TEX22: variants seen among roughly 807,000 people sequenced by gnomAD.
The protein encoded by TEX22 is testis-expressed protein 22.
A neutral mutation model predicts 11.3 loss-of-function variants in TEX22; 16 were observed. The observed-to-expected ratio is 1.42, with a 90% CI of 0.96 to 2.15. TEX22 has a LOEUF of 2.15. Ranked by LOEUF, TEX22 falls within the 30% of genes most tolerant of loss-of-function variation. TEX22 has a pLI of 0.00. For synonymous variants in TEX22, 97 were observed against 92.3 expected (o/e 1.05, Z -0.29); for missense variants, 220 against 208.6 (o/e 1.05, Z -0.34).
intron 2 of TEX22, among the ~76,000 whole-genome samples, chr14:105,410,205 G>A (rs1401542841): frequency 6.6e-6 from 1 of 152,128 alleles, no homozygotes; most frequent in East Asian, 1.9e-4. Flanking sequence ...AGCCTCTTGA[G>A]TAGCTGGGAT....
intron 2 of TEX22, among the ~76,000 whole-genome samples, chr14:105,408,405 C>T (rs1448052738): frequency 6.6e-6 from 1 of 151,964 alleles, no homozygotes; most frequent in Non-Finnish European, 1.5e-5. Flanking sequence ...CCACACCCAG[C>T]TAATTTTTGT....
chr14:105,401,839 C>T (rs945183205), intron 2 of TEX22, among the ~76,000 whole-genome samples: 1 of 152,136 alleles, frequency 6.6e-6, no homozygotes, highest in Non-Finnish European at 1.5e-5. Flanking sequence ...TTGCAGTGGC[C>T]ACCAATGGAA....
At chr14:105,402,579 C>G (rs186155919) in intron 2 of TEX22, among the ~76,000 whole-genome samples, 1 of 151,328 alleles carries the variant, frequency 6.6e-6, no homozygotes, top group Non-Finnish European at 1.5e-5. Flanking sequence ...ACGGTGAAAC[C>G]CCGTCTCTAC....
At chr14:105,400,738 G>A (rs781899654) in intron 2 of TEX22, among the ~76,000 whole-genome samples, 1 of 152,168 alleles carries the variant, frequency 6.6e-6, no homozygotes, top group Non-Finnish European at 1.5e-5. Context: ...AAGGGCAGGC[G>A]AGCAGTGGGA....
intron 2 of TEX22, among the ~76,000 whole-genome samples, chr14:105,407,718 C>T (rs1314774167): frequency 1.3e-5 from 2 of 152,152 alleles, no homozygotes; most frequent in Admixed American, 6.5e-5. Context: ...TTTTCTTTTT[C>T]ACTCAGGACT....
At chr14:105,400,994 G>T (rs1002324449) in intron 2 of TEX22, among the ~76,000 whole-genome samples, 4 of 152,120 alleles carry the variant, frequency 2.6e-5, no homozygotes, top group African/African-American at 4.8e-5. Flanking sequence ...GGGAGAAAAG[G>T]AAAAAGAGAA....
At chr14:105,400,577 G>A (rs1228141248) in intron 2 of TEX22, among the ~76,000 whole-genome samples, 2 of 152,088 alleles carry the variant, frequency 1.3e-5, no homozygotes, top group Non-Finnish European at 2.9e-5. Flanking sequence ...AGTGTGTATT[G>A]GACCCATATC....
chr14:105,405,461 A>G (rs1297154014), intron 2 of TEX22, among the ~76,000 whole-genome samples: 3 of 152,192 alleles, frequency 2.0e-5, no homozygotes, highest in Non-Finnish European at 4.4e-5. Flanking sequence ...AAAGACAGAC[A>G]TTGTCAGAGT....
At chr14:105,401,890 G>C (rs2081628871) in intron 2 of TEX22, among the ~76,000 whole-genome samples, 1 of 152,178 alleles carries the variant, frequency 6.6e-6, no homozygotes, top group South Asian at 2.1e-4. Context: ...GTACCACTAT[G>C]ACGTCAGAAA....
intron 2 of TEX22, among the ~76,000 whole-genome samples, chr14:105,401,508 C>T (rs757371662): frequency 4.2e-5 from 6 of 144,206 alleles, no homozygotes; most frequent in Admixed American, 1.5e-4. Flanking sequence ...TGCATGTTCT[C>T]ACTCATAGGT....
chr14:105,404,225 G>A lies in TEX22; in HGVS notation c.150+4735G>A, dbSNP rs2081647245. ...GGCGAGTCCATGATAGGGGCTGGCA[G>A]GAGGCTCAGCTCCTTACCACGTGGA... On this transcript the variant is annotated intron_variant, in intron 2 of 3. Coordinates refer to ENST00000451127, the MANE Select transcript of TEX22 (RefSeq NM_001195082.2). Among the ~76,000 whole-genome samples the A allele has an allele frequency of 2.0e-5, 3 of 152,188 alleles. No homozygotes were observed. The South Asian group carries it at 6.2e-4, about 32-fold the overall frequency.
At chr14:105,398,928 G>A (rs1162113460) in intron 1 of TEX22, among the ~76,000 whole-genome samples, 5 of 152,238 alleles carry the variant, frequency 3.3e-5, no homozygotes, top group African/African-American at 1.2e-4. Context: ...CCTTTCCTTC[G>A]CCCCGGGCGT....
At position 105,405,282 on chromosome 14, in the gene TEX22, CT is replaced by C. The variant is rs149087311; in HGVS notation, c.150+5794del. Reference sequence around the variant, plus strand: ...TCCAGCCTGGGCAACAGAGCCAGACCTTGACTCAAAAAAAAAAAAAGATCGA... The same window carrying C: ...TCCAGCCTGGGCAACAGAGCCAGACCTGACTCAAAAAAAAAAAAAGATCGA... On this transcript the variant is annotated intron_variant, in intron 2 of 3. Coordinates refer to ENST00000451127, the MANE Select transcript of TEX22 (RefSeq NM_001195082.2). 2.9e-3 allele frequency among the ~76,000 whole-genome samples: 446 copies of C among 151,394 alleles called. 3 individuals carry two copies. Among genetic ancestry groups the C allele is most frequent in the African/African-American group, 9.7e-3 (401 of 41,210 alleles).
chr14:105,411,566 C>A, intron 3 of TEX22, 70 bp downstream of exon 3: 1 of 1,295,492 alleles, frequency 7.7e-7, no homozygotes, highest in Non-Finnish European at 9.9e-7. Context: ...CCTCCCTCGA[C>A]TCAGTCCCAC....
At chr14:105,411,543 C>A in intron 3 of TEX22, 47 bp downstream of exon 3, 1 of 1,155,160 alleles carries the variant, frequency 8.7e-7, no homozygotes, top group Non-Finnish European at 1.1e-6. Context: ...CCCCGCCCCG[C>A]CCCTCCGCCT....
intron 2 of TEX22, among the ~76,000 whole-genome samples, chr14:105,402,480 T>A (rs192234618): frequency 6.6e-6 from 1 of 151,304 alleles, no homozygotes; most frequent in Non-Finnish European, 1.5e-5. Flanking sequence ...ATTGGCCGGG[T>A]GTGGTGGCTC....
chr14:105,402,338 AAG>A (rs2081631918), intron 2 of TEX22, among the ~76,000 whole-genome samples: 1 of 152,212 alleles, frequency 6.6e-6, no homozygotes, highest in African/African-American at 2.4e-5. Context: ...GTACAGATAA[AAG>A]AGGGAGTTTG....
chr14:105,398,855 G>C (rs961939920), intron 1 of TEX22, among the ~76,000 whole-genome samples: 1 of 152,252 alleles, frequency 6.6e-6, no homozygotes, highest in Non-Finnish European at 1.5e-5. Context: ...CCTGGGGCGA[G>C]GCCTGGGCCG....
At chr14:105,410,080 T>C (rs2081681000) in intron 2 of TEX22, among the ~76,000 whole-genome samples, 1 of 152,026 alleles carries the variant, frequency 6.6e-6, no homozygotes, top group Non-Finnish European at 1.5e-5. Context: ...CCTTACCTTT[T>C]TTGTTTGTTT....
Sources: gnomAD v4.1 joint callset for allele counts (sites outside exome capture counted in the v4.1 genomes callset) on GRCh38, gnomAD v4.1.1 for gene constraint, MANE v1.5 for transcripts, NCBI Gene and HGNC (gene_info 2026-07-23, HGNC 2026-07-21) for gene names.